ASTN2: variants seen among roughly 807,000 people sequenced by gnomAD.
The protein encoded by ASTN2 is astrotactin 2, also known as astrotactin-2.
In ASTN2, 54 loss-of-function variants were observed where a neutral mutation model predicts 139.8. That is an observed-to-expected ratio of 0.39 (90% CI 0.31 to 0.48). The LOEUF is 0.48. Ranked by LOEUF, ASTN2 falls within the 20% of genes least tolerant of loss-of-function variation. The probability of loss-of-function intolerance (pLI) is 0.95; values close to 1 mark genes in which losing one functional copy is unlikely to be tolerated. For synonymous variants in ASTN2, 756 were observed against 719.5 expected, an observed-to-expected ratio of 1.05 and a Z score of -0.81; for missense variants, 1,565 against 1,725.1, an observed-to-expected ratio of 0.91 and a Z score of 1.64.
intron 20 of ASTN2, among the ~76,000 whole-genome samples, chr9:116,452,404 T>C (rs1848201906): frequency 6.6e-6 from 1 of 152,174 alleles, no homozygotes; most frequent in Non-Finnish European, 1.5e-5. Context: ...GTGGCTTTGG[T>C]GGGATTGTTT....
intron 3 of ASTN2, among the ~76,000 whole-genome samples, chr9:117,173,409 T>G (rs551202083): frequency 6.6e-6 from 1 of 152,124 alleles, no homozygotes; most frequent in Non-Finnish European, 1.5e-5. Flanking sequence ...TGGTTACACA[T>G]GAAATGTTTT....
At chr9:117,320,141 C>T (rs950844673) in intron 1 of ASTN2, among the ~76,000 whole-genome samples, 4 of 152,076 alleles carry the variant, frequency 2.6e-5, no homozygotes, top group African/African-American at 9.7e-5. Flanking sequence ...ATTATTATTT[C>T]CCCTGTTTGA....
intron 13 of ASTN2, among the ~76,000 whole-genome samples, chr9:116,741,490 C>T (rs1010092747): frequency 6.6e-6 from 1 of 152,178 alleles, no homozygotes; most frequent in African/African-American, 2.4e-5. Flanking sequence ...CTCATCCCCC[C>T]TCTCTGACTG....
At chr9:116,620,260 T>C in intron 18 of ASTN2, 50 bp downstream of exon 18, 2 of 1,612,940 alleles carry the variant, frequency 1.2e-6, no homozygotes, top group Non-Finnish European at 1.7e-6. Flanking sequence ...GACAGGAGTG[T>C]GAGTCCACGA....
chr9:116,620,158 T>G, intron 18 of ASTN2, 152 bp downstream of exon 18: 1 of 1,100,128 alleles, frequency 9.1e-7, no homozygotes, highest in Non-Finnish European at 1.3e-6. Context: ...CAAAGCTCCC[T>G]TCTTTCCTAA....
intron 13 of ASTN2, among the ~76,000 whole-genome samples, chr9:116,789,465 C>T (rs1042858624): frequency 5.9e-5 from 9 of 152,168 alleles, no homozygotes; most frequent in African/African-American, 2.2e-4. Flanking sequence ...TAAAAGCCAC[C>T]TTTGAGGTGT....
At chr9:117,358,207 G>A (rs540287547) in intron 1 of ASTN2, among the ~76,000 whole-genome samples, 6 of 151,914 alleles carry the variant, frequency 3.9e-5, no homozygotes, top group Non-Finnish European at 7.4e-5. Context: ...AATTTGCAGA[G>A]GGAGAGAAAG....
chr9:117,254,518 G>A (rs1833629288), intron 2 of ASTN2, among the ~76,000 whole-genome samples: 1 of 152,060 alleles, frequency 6.6e-6, no homozygotes, highest in South Asian at 2.1e-4. Flanking sequence ...ACACAAATGG[G>A]GATCGTTTAT....
chr9:116,794,842 A>C (rs1029219340), intron 13 of ASTN2, among the ~76,000 whole-genome samples: 2 of 152,226 alleles, frequency 1.3e-5, no homozygotes, highest in African/African-American at 4.8e-5. Flanking sequence ...TAGGACAGGT[A>C]GTAGGTGAGC....
chr9:116,592,413 A>G (rs531229434), intron 19 of ASTN2, among the ~76,000 whole-genome samples: 2 of 152,170 alleles, frequency 1.3e-5, no homozygotes, highest in South Asian at 4.2e-4. Context: ...AGATCTCAGG[A>G]TAACTCACTC....
chr9:117,306,449 T>C (rs1227342699), intron 1 of ASTN2, among the ~76,000 whole-genome samples: 5 of 152,202 alleles, frequency 3.3e-5, no homozygotes, highest in African/African-American at 4.8e-5. Flanking sequence ...TGCCAGATTC[T>C]GAGTAGCCTC....
intron 19 of ASTN2, among the ~76,000 whole-genome samples, chr9:116,581,338 T>C (rs7867264): frequency 0.21 from 31,726 of 151,960 alleles, 4,369 homozygotes; most frequent in African/African-American, 0.38. Flanking sequence ...CCTGGAAACT[T>C]ACATCTCCAA....
At chr9:116,924,987 C>G (rs2132441929) in intron 10 of ASTN2, among the ~76,000 whole-genome samples, 1 of 152,264 alleles carries the variant, frequency 6.6e-6, no homozygotes, top group African/African-American at 2.4e-5. Flanking sequence ...GACTTCCAAA[C>G]AAGTCACTCT....
At chr9:117,364,557 G>C (rs1190355384) in intron 1 of ASTN2, among the ~76,000 whole-genome samples, 1 of 152,190 alleles carries the variant, frequency 6.6e-6, no homozygotes, top group Non-Finnish European at 1.5e-5. Context: ...CCCCACGAAA[G>C]ATTATTGAGG....
chr9:116,520,087 A>T (rs1850804833), intron 19 of ASTN2, among the ~76,000 whole-genome samples: 1 of 152,054 alleles, frequency 6.6e-6, no homozygotes, highest in African/African-American at 2.4e-5. Flanking sequence ...TCAAAGAAGA[A>T]TTGGTACCAA....
chr9:117,214,325 C>A, intron 3 of ASTN2, 33 bp downstream of exon 3: 1 of 1,533,456 alleles, frequency 6.5e-7, no homozygotes, highest in Non-Finnish European at 8.9e-7. Context: ...CAAAATGCCC[C>A]CTGGAAAATG....
At chr9:116,616,268 C>T (rs945331817) in intron 19 of ASTN2, among the ~76,000 whole-genome samples, 6 of 152,148 alleles carry the variant, frequency 3.9e-5, no homozygotes, top group African/African-American at 1.4e-4. Flanking sequence ...CCTTCCAATG[C>T]TGAAATTTTT....
At chr9:116,474,860 C>A (rs572719016) in intron 20 of ASTN2, among the ~76,000 whole-genome samples, 1 of 152,342 alleles carries the variant, frequency 6.6e-6, no homozygotes, top group African/African-American at 2.4e-5. Flanking sequence ...TGTGATCCCA[C>A]TCCAGAAGCC....
rs78075342 is a variant in ASTN2 at position 116,544,958 on chromosome 9, G to A, written c.3356-57458C>T. Among the ~76,000 whole-genome samples, 2,841 of 152,294 alleles carry A rather than the reference G, an allele frequency of 0.019. 385 individuals carry two copies. The South Asian group carries it at 0.28, about 15-fold the overall frequency. On this transcript the variant is annotated intron_variant, in intron 19 of 22. Coordinates refer to ENST00000313400, the MANE Select transcript of ASTN2 (RefSeq NM_001365068.1). ...GAGCCAGAAGACCCTTGGTGAGAGTGCCAATGGCCTGCTCCTGGCCCAGCT... is the reference window on the plus strand; with the variant it reads ...GAGCCAGAAGACCCTTGGTGAGAGTACCAATGGCCTGCTCCTGGCCCAGCT...
Sources: gnomAD v4.1 joint callset for allele counts (sites outside exome capture counted in the v4.1 genomes callset) on GRCh38, gnomAD v4.1.1 for gene constraint, MANE v1.5 for transcripts, NCBI Gene and HGNC (gene_info 2026-07-23, HGNC 2026-07-21) for gene names.